Variants in LINGO2 observed in about 807,000 individuals in gnomAD.
The protein encoded by LINGO2 is leucine-rich repeat and immunoglobulin-like domain-containing nogo receptor-interacting protein 2.
LINGO2 carries 14 observed loss-of-function variants against 30.6 expected under a neutral mutation model. The observed-to-expected ratio is 0.46, with a 90% CI of 0.30 to 0.72. LINGO2 has a LOEUF of 0.72. LINGO2 is among the 30% of genes least tolerant of loss of function. The pLI, the probability that LINGO2 is intolerant of heterozygous loss-of-function variation, is 0.07. For missense variants in LINGO2, 729 were observed against 751.7 expected (o/e 0.97, Z 0.35); for synonymous variants, 317 against 288.5 (o/e 1.10, Z -1.00).
intron 1 of LINGO2, among the ~76,000 whole-genome samples, chr9:28,644,890 A>G (rs1457543104): frequency 6.6e-6 from 1 of 152,090 alleles, no homozygotes; most frequent in African/African-American, 2.4e-5. Context: ...AAGCAGAAGC[A>G]TCCTACATTT....
intron 1 of LINGO2, among the ~76,000 whole-genome samples, chr9:28,478,568 A>G (rs1431586958): frequency 1.3e-5 from 2 of 152,234 alleles, no homozygotes; most frequent in South Asian, 2.1e-4. Flanking sequence ...GGTTTCAGAA[A>G]GATTCTTGAA....
At chr9:29,078,846 C>T in the LINGO2 span, among the ~76,000 whole-genome samples, 7,132 of 151,970 alleles carry the variant, frequency 0.047, 234 homozygotes, top group East Asian at 0.1. Flanking sequence ...TCAGAATCAC[C>T]TGTGATTTTA....
chr9:28,597,306 A>G (rs1249929584), intron 1 of LINGO2, among the ~76,000 whole-genome samples: 1 of 152,182 alleles, frequency 6.6e-6, no homozygotes, highest in Admixed American at 6.5e-5. Flanking sequence ...AATCAACTGC[A>G]CTTCTTGGAA....
intron 1 of LINGO2, among the ~76,000 whole-genome samples, chr9:28,559,973 G>A (rs949719042): frequency 3.3e-5 from 5 of 151,620 alleles, no homozygotes; most frequent in East Asian, 1.9e-4. Flanking sequence ...TAGAGGAACA[G>A]CAAGGAGCAC....
intron 4 of LINGO2, among the ~76,000 whole-genome samples, chr9:28,205,905 A>G (rs1254327241): frequency 6.6e-6 from 1 of 152,096 alleles, no homozygotes; most frequent in Non-Finnish European, 1.5e-5. Context: ...ATGTCTGGCC[A>G]GGTGCGGTGG....
chr9:28,864,799 G>T, the LINGO2 span, among the ~76,000 whole-genome samples: 1 of 151,920 alleles, frequency 6.6e-6, no homozygotes, highest in Admixed American at 6.6e-5. Flanking sequence ...AAAATTTGTA[G>T]AAAATATGTA....
At chr9:28,842,795 C>T in the LINGO2 span, among the ~76,000 whole-genome samples, 1 of 151,808 alleles carries the variant, frequency 6.6e-6, no homozygotes, top group African/African-American at 2.4e-5. Context: ...AAGCATTCTT[C>T]TGCAATTCTA....
chr9:28,543,155 G>A (rs1821780948), intron 1 of LINGO2, among the ~76,000 whole-genome samples: 1 of 152,098 alleles, frequency 6.6e-6, no homozygotes, highest in Non-Finnish European at 1.5e-5. Flanking sequence ...TAGGGAATAT[G>A]AGACTTCAAA....
chr9:29,083,853 G>C, the LINGO2 span, among the ~76,000 whole-genome samples: 3 of 152,032 alleles, frequency 2.0e-5, no homozygotes, highest in Admixed American at 1.3e-4. Flanking sequence ...CACCTTCCAG[G>C]ATGGCAATAA....
At chr9:28,733,126 A>G in the LINGO2 span, among the ~76,000 whole-genome samples, 1 of 152,206 alleles carries the variant, frequency 6.6e-6, no homozygotes, top group Non-Finnish European at 1.5e-5. Context: ...TGGTATACAC[A>G]TAGTACCTAC....
the LINGO2 span, among the ~76,000 whole-genome samples, chr9:28,849,085 A>G: frequency 6.6e-6 from 1 of 152,046 alleles, no homozygotes; most frequent in Non-Finnish European, 1.5e-5. Flanking sequence ...TTAAGGAGGA[A>G]AAACTTTCAA....
chr9:28,251,616 C>A (rs985607406), intron 4 of LINGO2, among the ~76,000 whole-genome samples: 2 of 151,226 alleles, frequency 1.3e-5, no homozygotes, highest in African/African-American at 4.9e-5. Context: ...GCATCACATT[C>A]TGATTTAGTG....
the LINGO2 span, among the ~76,000 whole-genome samples, chr9:28,766,606 C>T: frequency 6.6e-6 from 1 of 151,992 alleles, no homozygotes; most frequent in African/African-American, 2.4e-5. Flanking sequence ...ATCAGCATCT[C>T]ATAGATATCT....
chr9:28,274,762 G>A (rs901877951), intron 4 of LINGO2, among the ~76,000 whole-genome samples: 4 of 152,078 alleles, frequency 2.6e-5, no homozygotes, highest in African/African-American at 9.7e-5. Flanking sequence ...CACACGATAG[G>A]GTGCTTCTTT....
At chr9:28,731,041 A>C in the LINGO2 span, among the ~76,000 whole-genome samples, 1 of 151,472 alleles carries the variant, frequency 6.6e-6, no homozygotes, top group South Asian at 2.1e-4. Flanking sequence ...CCCAGGCTGG[A>C]GGGCAATGGC....
At chr9:28,776,268 A>T in the LINGO2 span, among the ~76,000 whole-genome samples, 1 of 146,966 alleles carries the variant, frequency 6.8e-6, no homozygotes, top group African/African-American at 2.4e-5. Context: ...GGCTATCACA[A>T]TTTTTTTCTC....
At chr9:28,233,959 C>A (rs1821466347) in intron 4 of LINGO2, among the ~76,000 whole-genome samples, 1 of 152,292 alleles carries the variant, frequency 6.6e-6, no homozygotes, top group Admixed American at 6.5e-5. Flanking sequence ...AGCCATTGGC[C>A]TTGGGCTTTG....
intron 5 of LINGO2, among the ~76,000 whole-genome samples, chr9:27,952,293 T>G (rs1163254136): frequency 6.6e-6 from 1 of 151,980 alleles, no homozygotes; most frequent in Non-Finnish European, 1.5e-5. Flanking sequence ...AAGAAATACA[T>G]AGAACTAATA....
At chr9:28,960,307 C>T in the LINGO2 span, among the ~76,000 whole-genome samples, 2 of 151,996 alleles carry the variant, frequency 1.3e-5, no homozygotes, top group East Asian at 3.9e-4. Flanking sequence ...CAAGACCAGC[C>T]TGAGCAACAC....
Sources: allele counts gnomAD v4.1 joint callset (sites outside exome capture counted in the v4.1 genomes callset), GRCh38; gene constraint gnomAD v4.1.1; transcripts MANE v1.5; gene names NCBI Gene and HGNC (gene_info 2026-07-23, HGNC 2026-07-21).